CCDC148: variants seen among roughly 807,000 people sequenced by gnomAD.
CCDC148 encodes coiled-coil domain-containing protein 148.
Under a neutral mutation model 85.7 loss-of-function variants are expected in CCDC148, and 89 were observed. The observed-to-expected ratio is 1.04, with a 90% CI of 0.87 to 1.24. The LOEUF (loss-of-function observed/expected upper bound fraction) is 1.24, where lower values mean the gene tolerates loss of function less well. CCDC148 is among the 50% of genes most tolerant of loss of function. The pLI is 0.00. For synonymous variants in CCDC148, 230 were observed against 213.9 expected (o/e 1.08, Z -0.66); for missense variants, 692 against 671.7 (o/e 1.03, Z -0.33).
chr2:158,437,809 G>T (rs866359490), intron 1 of CCDC148, among the ~76,000 whole-genome samples: 5 of 152,230 alleles, frequency 3.3e-5, no homozygotes, highest in South Asian at 4.1e-4. Flanking sequence ...TGTGCAAAAA[G>T]CACAAGCATT....
At chr2:158,290,396 A>G (rs1170521799) in intron 9 of CCDC148, among the ~76,000 whole-genome samples, 1 of 152,156 alleles carries the variant, frequency 6.6e-6, no homozygotes, top group East Asian at 1.9e-4. Context: ...TCATGCCTAC[A>G]GTTCGACTGT....
At chr2:158,202,376 T>C (rs559703727) in intron 11 of CCDC148, among the ~76,000 whole-genome samples, 7 of 152,342 alleles carry the variant, frequency 4.6e-5, no homozygotes, top group Admixed American at 3.9e-4. Flanking sequence ...CAGATGAGAA[T>C]GGTGTCTTTG....
chr2:158,263,267 T>A (rs1663785065), intron 9 of CCDC148, among the ~76,000 whole-genome samples: 1 of 152,084 alleles, frequency 6.6e-6, no homozygotes, highest in South Asian at 2.1e-4. Flanking sequence ...CTTATGTATG[T>A]GTATAATTTT....
chr2:158,178,911 T>C lies in CCDC148; in HGVS notation c.1456A>G (p.Arg486Gly), dbSNP rs775312420. ...ALQEAHEDKE[R>G]ARRLEALRKQ... ...CTAAGGGCTTCTAGCCGCCGTGCTC[T>C]CTCTTTGTCTTCATGAGCTTCTTGA... Residue 486 changes from arginine (R) to glycine (G), a missense_variant, in exon 12 of 14, where the codon AGA becomes GGA. Arg to Gly is a moderately radical substitution (Grantham distance 125, BLOSUM62 -2). Coordinates refer to ENST00000283233, the MANE Select transcript of CCDC148 (RefSeq NM_138803.4). 1 of 1,613,628 alleles carries C rather than the reference T, an allele frequency of 6.2e-7. No individual in the cohort carries two copies. The highest frequency in any genetic ancestry group is 8.5e-7 in the Non-Finnish European group (1 of 1,179,722).
intron 1 of CCDC148, among the ~76,000 whole-genome samples, chr2:158,411,596 T>C (rs2543651): frequency 0.032 from 4,808 of 152,268 alleles, 110 homozygotes; most frequent in African/African-American, 0.059. Flanking sequence ...CCTAATTTCA[T>C]TAAGTTGTCT....
intron 1 of CCDC148, among the ~76,000 whole-genome samples, chr2:158,364,101 A>T (rs1009461029): frequency 3.3e-5 from 5 of 152,192 alleles, no homozygotes; most frequent in African/African-American, 1.2e-4. Context: ...TACAACTTAC[A>T]AGTGATGTGA....
At position 158,176,571 on chromosome 2, in the gene CCDC148, ATTC is replaced by A. The variant is rs756694337; in HGVS notation, c.1576_1578del (p.Glu526del). On this transcript the variant is annotated inframe_deletion, in exon 13 of 14. Coordinates refer to ENST00000283233, the MANE Select transcript of CCDC148 (RefSeq NM_138803.4). ...GTGAAGAGTGGCTTTTGAAGAATAA[ATTC>A]TTCTTCAATTTCAATGCCCATTCTA... 4 of 1,611,656 alleles carry A rather than the reference ATTC, an allele frequency of 2.5e-6. No individual in the cohort carries two copies. Among genetic ancestry groups the A allele is most frequent in the Non-Finnish European group, 3.4e-6 (4 of 1,178,576 alleles).
chr2:158,381,062 G>C (rs1684849501), intron 1 of CCDC148: 1 of 152,074 alleles, frequency 6.6e-6, no homozygotes, highest in South Asian at 2.1e-4. Flanking sequence ...AATTGGCAAA[G>C]ATTTCTTTTT....
At chr2:158,245,111 C>T (rs1300613624) in intron 10 of CCDC148, among the ~76,000 whole-genome samples, 3 of 152,174 alleles carry the variant, frequency 2.0e-5, no homozygotes, top group African/African-American at 7.2e-5. Context: ...GAATTCTCTC[C>T]TGTGCAAGAG....
At chr2:158,361,998 A>C (rs1265569020) in intron 1 of CCDC148, among the ~76,000 whole-genome samples, 5 of 115,040 alleles carry the variant, frequency 4.3e-5, no homozygotes, top group African/African-American at 2.3e-4. Flanking sequence ...TGGAAAGCCA[A>C]AAAAAAAAAA....
At chr2:158,286,017 G>C (rs1690607459) in intron 9 of CCDC148, among the ~76,000 whole-genome samples, 1 of 151,912 alleles carries the variant, frequency 6.6e-6, no homozygotes, top group South Asian at 2.1e-4. Context: ...TTCATAGGTG[G>C]CAATATCCTA....
intron 10 of CCDC148, among the ~76,000 whole-genome samples, chr2:158,243,292 GGTA>G (rs1688428902): frequency 6.6e-6 from 1 of 152,094 alleles, no homozygotes; most frequent in South Asian, 2.1e-4. Flanking sequence ...CTTCTTGAAT[GGTA>G]GTAGGCACTT....
intron 11 of CCDC148, among the ~76,000 whole-genome samples, chr2:158,211,904 G>A (rs1686598777): frequency 2.0e-5 from 3 of 152,126 alleles, no homozygotes; most frequent in Admixed American, 6.6e-5. Context: ...GCTTAGCTAA[G>A]CTCCATTCAA....
intron 9 of CCDC148, among the ~76,000 whole-genome samples, chr2:158,300,294 C>T (rs1691380619): frequency 6.6e-6 from 1 of 152,180 alleles, no homozygotes; most frequent in Non-Finnish European, 1.5e-5. Flanking sequence ...ACAAAAGTTA[C>T]TGAGCACCTA....
At chr2:158,335,847 T>G (rs903865913) in intron 7 of CCDC148, among the ~76,000 whole-genome samples, 8 of 152,104 alleles carry the variant, frequency 5.3e-5, no homozygotes, top group Non-Finnish European at 1.0e-4. Flanking sequence ...GAAAATGAGG[T>G]TGCACTGACT....
chr2:158,183,213 G>A (rs537188649), intron 11 of CCDC148, among the ~76,000 whole-genome samples: 1 of 152,224 alleles, frequency 6.6e-6, no homozygotes, highest in South Asian at 2.1e-4. Context: ...CAATAATCTG[G>A]AAAGGATTTT....
intron 7 of CCDC148, among the ~76,000 whole-genome samples, chr2:158,333,712 A>G (rs1162868621): frequency 6.6e-6 from 1 of 152,110 alleles, no homozygotes; most frequent in Non-Finnish European, 1.5e-5. Context: ...TATTGGGTGC[A>G]TATATATTTA....
intron 7 of CCDC148, among the ~76,000 whole-genome samples, chr2:158,334,407 G>A (rs994353921): frequency 4.2e-5 from 4 of 94,372 alleles, no homozygotes; most frequent in African/African-American, 1.8e-4. Context: ...GAAGCAAGTG[G>A]CAACTATGTT....
chr2:158,344,597 A>C (rs1682901384), intron 3 of CCDC148, among the ~76,000 whole-genome samples: 1 of 152,084 alleles, frequency 6.6e-6, no homozygotes, highest in South Asian at 2.1e-4. Context: ...TTTTGCCTTG[A>C]CCTTTGAAAA....
Sources: gnomAD v4.1 joint callset for allele counts (sites outside exome capture counted in the v4.1 genomes callset) on GRCh38, gnomAD v4.1.1 for gene constraint, MANE v1.5 for transcripts, NCBI Gene and HGNC (gene_info 2026-07-23, HGNC 2026-07-21) for gene names.